GOLGB1: variants seen among roughly 807,000 people sequenced by gnomAD.
GOLGB1 encodes golgin B1.
A neutral mutation model predicts 336.9 loss-of-function variants in GOLGB1; 174 were observed. The ratio of observed to expected loss-of-function variants is 0.52; its 90% CI spans 0.46 to 0.59. The LOEUF (loss-of-function observed/expected upper bound fraction) is 0.59. GOLGB1 is among the 20% of genes least tolerant of loss of function. The pLI is 0.00. For missense variants in GOLGB1, 3,331 were observed against 3,645.3 expected, an observed-to-expected ratio of 0.91 and a Z score of 2.22; for synonymous variants, 1,208 against 1,289.2, an observed-to-expected ratio of 0.94 and a Z score of 1.35.
intron 4 of GOLGB1, 119 bp downstream of exon 4, chr3:121,729,067 AAC>A: frequency 1.5e-6 from 1 of 662,772 alleles, no homozygotes; most frequent in East Asian, 2.9e-5. Flanking sequence ...GAAAAAAAAA[AAC>A]AAAACATTAT....
chr3:121,689,014 TGGGGGGG>T (rs1576326178), intron 14 of GOLGB1, among the ~76,000 whole-genome samples: 1 of 145,862 alleles, frequency 6.9e-6, no homozygotes, highest in East Asian at 2.1e-4. Context: ...GGGAGGGAGG[TGGGGGGG>T]TCAGCCCCCC....
intron 9 of GOLGB1, among the ~76,000 whole-genome samples, chr3:121,715,371 T>G (rs1204024232): frequency 7.0e-6 from 1 of 143,360 alleles, no homozygotes; most frequent in Non-Finnish European, 1.5e-5. Flanking sequence ...CCTGGCTAAT[T>G]TTTTTTTTTT....
Position 121,694,310 on chromosome 3 carries a change from T to A in GOLGB1, c.6213A>T (p.Ala2071=), listed in dbSNP as rs752157693. 1 of 1,610,754 alleles carries A rather than the reference T, an allele frequency of 6.2e-7. No homozygotes were observed. The highest frequency in any genetic ancestry group is 1.1e-5 in the South Asian group (1 of 90,728). Residue 2071 remains alanine (A), a synonymous_variant, in exon 13 of 22, where the codon GCA becomes GCT. Coordinates refer to ENST00000614479, the MANE Select transcript of GOLGB1 (RefSeq NM_001366282.2). The part of the protein sequence containing the change: ...LEITKENLAQ[A]VEHRKKAQAE... ...CTTGTGCCTTTTTGCGGTGTTCAACTGCTTGAGCCAGATTTTCTTTGGTTA... is the reference window on the plus strand; with the variant it reads ...CTTGTGCCTTTTTGCGGTGTTCAACAGCTTGAGCCAGATTTTCTTTGGTTA...
intron 1 of GOLGB1, among the ~76,000 whole-genome samples, chr3:121,737,137 G>A (rs1056363529): frequency 1.3e-5 from 2 of 152,148 alleles, no homozygotes; most frequent in African/African-American, 4.8e-5. Context: ...CAAGTTGTAT[G>A]TAAATCTAAG....
chr3:121,688,678 G>C (rs1470803205), intron 14 of GOLGB1, among the ~76,000 whole-genome samples: 3 of 149,076 alleles, frequency 2.0e-5, no homozygotes, highest in Non-Finnish European at 4.4e-5. Context: ...CCCTCTGCCT[G>C]GCTGCCCAGT....
In GOLGB1 at chr3:121,697,020, T is replaced by C; in HGVS notation, c.3503A>G (p.Glu1168Gly). 2 of 1,614,114 alleles carry C rather than the reference T, an allele frequency of 1.2e-6. No individual in the cohort carries two copies. Among genetic ancestry groups the C allele is most frequent in the Non-Finnish European group, 1.7e-6 (2 of 1,179,968 alleles). The stretch of plus-strand genomic sequence containing the variant: ...TTTTTCAAGGGCCAGTATCTTTTCT[T>C]CTAGTTCTGGTTTCCAGTGTTCACT... Reference protein sequence around the residue: ...GSSEHWKPELEEKILALEKEK... With the variant: ...GSSEHWKPELGEKILALEKEK... Residue 1168 changes from glutamate to glycine, a missense_variant, in exon 13 of 22, where the codon GAA becomes GGA. Glu to Gly is a moderately conservative substitution (Grantham distance 98, BLOSUM62 -2). Transcript: ENST00000614479.
intron 9 of GOLGB1, among the ~76,000 whole-genome samples, chr3:121,715,824 C>G (rs959374302): frequency 1.3e-5 from 2 of 151,998 alleles, no homozygotes; most frequent in African/African-American, 4.8e-5. Flanking sequence ...GAAGCCCTGT[C>G]TCTACTAAAA....
chr3:121,706,733 C>CAAA lies in GOLGB1; in HGVS notation c.1405-4141_1405-4139dup, dbSNP rs1200925309. On this transcript the variant is annotated intron_variant, in intron 10 of 21. Coordinates refer to ENST00000614479, the MANE Select transcript of GOLGB1 (RefSeq NM_001366282.2). ...TGGATGACACACTGAGACTCTGTCT[C>CAAA]AAAAAAAAAAAAAAAAAAAAAAAAA... Among the ~76,000 whole-genome samples, 43 of 16,154 alleles carry CAAA rather than the reference C, an allele frequency of 2.7e-3. 11 individuals are homozygous for CAAA. The highest frequency in any genetic ancestry group is 7.2e-3 in the African/African-American group (28 of 3,894). The allele number at this position is 16,154 out of a possible 152,430, so 10.6% of individuals were successfully genotyped here.
rs1000691102 is a variant in GOLGB1 at position 121,738,900 on chromosome 3, C to A, written c.-2-7927G>T. On this transcript the variant is annotated intron_variant, in intron 1 of 21. Transcript: ENST00000614479. ...GTCTGAAAATAGCACAAGAGGAAAC[C>A]TTATCAAGTTAGAAAAGCTGTATAA... Among the ~76,000 whole-genome samples the A allele has an allele frequency of 5.9e-5, 9 of 152,104 alleles. 1 individual carries two copies. Among genetic ancestry groups the A allele is most frequent in the African/African-American group, 1.4e-4 (6 of 41,416 alleles).
Position 121,722,949 on chromosome 3 carries a change from A to G in GOLGB1, c.532-571T>C, listed in dbSNP as rs77039950. Among the ~76,000 whole-genome samples the G allele has an allele frequency of 3.9e-5, 6 of 152,326 alleles. No individual in the cohort carries two copies. The East Asian group carries it at 1.2e-3, about 29-fold the overall frequency. On this transcript the variant is annotated intron_variant, in intron 5 of 21. Transcript: ENST00000614479. ...AAGAAGGACTAAAAGGGCTAGAGCAATCTAGGCCCCCTGAACTCTCACAAC... is the reference window on the plus strand; with the variant it reads ...AAGAAGGACTAAAAGGGCTAGAGCAGTCTAGGCCCCCTGAACTCTCACAAC...
chr3:121,669,477 A>G (rs1939186955), intron 17 of GOLGB1, 122 bp from the exon 18 acceptor site: 1 of 707,524 alleles, frequency 1.4e-6, no homozygotes, highest in Non-Finnish European at 2.3e-6. Context: ...AACAGCAACA[A>G]TAGCACTTTG....
At chr3:121,720,881 C>T (rs1249623789) in intron 6 of GOLGB1, among the ~76,000 whole-genome samples, 1 of 152,078 alleles carries the variant, frequency 6.6e-6, no homozygotes. Context: ...TGTAATTTTC[C>T]TTAACTGTCA....
At position 121,697,913 on chromosome 3, in the gene GOLGB1, G is replaced by A. The variant is rs201759400; in HGVS notation, c.2610C>T (p.Ser870=). The part of the protein sequence containing the change: ...RHISSKVEEL[S]QALSQKELEI... ...CAAGTTCCTTCTGTGAAAGAGCCTG[G>A]GACAGTTCTTCCACTTTACTTGAGA... The change falls in exon 13 of 22, where the codon TCC becomes TCT. Residue 870 remains serine, a synonymous_variant. Coordinates refer to ENST00000614479, the MANE Select transcript of GOLGB1 (RefSeq NM_001366282.2). 4.3e-6 allele frequency: 7 copies of A among 1,613,806 alleles called. No individual in the cohort carries two copies. In the African/African-American group the frequency reaches 9.3e-5, roughly 22 times the overall value.
chr3:121,714,755 CA>C, intron 10 of GOLGB1, 105 bp downstream of exon 10: 1 of 759,840 alleles, frequency 1.3e-6, no homozygotes. Flanking sequence ...GCAGAAAAAA[CA>C]GAAGGTTTAT....
intron 10 of GOLGB1, among the ~76,000 whole-genome samples, chr3:121,707,308 C>G (rs1490752463): frequency 2.0e-5 from 3 of 150,274 alleles, no homozygotes; most frequent in Non-Finnish European, 3.0e-5. Flanking sequence ...TCCATGTACA[C>G]ACAGACACAA....
intron 14 of GOLGB1, among the ~76,000 whole-genome samples, chr3:121,687,673 T>C (rs1385278143): frequency 1.3e-5 from 2 of 152,152 alleles, no homozygotes; most frequent in East Asian, 3.8e-4. Flanking sequence ...CAGACAAAAA[T>C]GTGCAAAGTT....
At position 121,683,053 on chromosome 3, in the gene GOLGB1, ATTTTT is replaced by A. The variant is rs746649684; in HGVS notation, c.8695-1193_8695-1189del. On this transcript the variant is annotated intron_variant, in intron 14 of 21. Coordinates refer to ENST00000614479, the MANE Select transcript of GOLGB1 (RefSeq NM_001366282.2). ...GCTGCTTAAGAAGCAATTTCTTTTA[ATTTTT>A]TTTTTTTTTTTTTTTTTTTTTTTTG... 1.6e-3 allele frequency among the ~76,000 whole-genome samples: 135 copies of A among 82,476 alleles called. 1 individual carries two copies. Among genetic ancestry groups the A allele is most frequent in the South Asian group, 0.013 (33 of 2,596 alleles). The allele number at this position is 82,476 out of a possible 152,430, so 54.1% of individuals were successfully genotyped here. A position where few individuals can be genotyped will look rare whatever the true frequency, so the allele number is the denominator to read the frequency against.
Position 121,696,986 on chromosome 3 carries a change from C to T in GOLGB1, c.3537G>A (p.Glu1179=). The T allele has an allele frequency of 2.5e-6, 4 of 1,614,016 alleles. No homozygotes were observed. The highest frequency in any genetic ancestry group is 1.6e-4 in the Middle Eastern group (1 of 6,062). The change falls in exon 13 of 22, where the codon GAG becomes GAA. Residue 1179 remains glutamate, a synonymous_variant. Coordinates refer to ENST00000614479, the MANE Select transcript of GOLGB1 (RefSeq NM_001366282.2). Reference sequence around the variant, plus strand: ...CTTCCTGTAGCTTCTTTTGAAGTTGCTCCTTTTCTTTTTCAAGGGCCAGTA... The same window carrying T: ...CTTCCTGTAGCTTCTTTTGAAGTTGTTCCTTTTCTTTTTCAAGGGCCAGTA... ...EKILALEKEK[E]QLQKKLQEAL... is the part of the protein sequence containing the mutation.
At chr3:121,720,496 G>C (rs1945111950) in intron 6 of GOLGB1, among the ~76,000 whole-genome samples, 1 of 152,222 alleles carries the variant, frequency 6.6e-6, no homozygotes, top group Non-Finnish European at 1.5e-5. Flanking sequence ...ATCTCCTTAA[G>C]ATCTATGGTG....
Sources: allele counts gnomAD v4.1 joint callset (sites outside exome capture counted in the v4.1 genomes callset), GRCh38; gene constraint gnomAD v4.1.1; transcripts MANE v1.5; gene names NCBI Gene and HGNC (gene_info 2026-07-23, HGNC 2026-07-21).